Variants in RYR2 observed in about 807,000 individuals in gnomAD.
RYR2 encodes the protein cardiac muscle ryanodine receptor-calcium release channel.
RYR2 carries 227 observed loss-of-function variants against 601.1 expected under a neutral mutation model. That is an observed-to-expected ratio of 0.38 (90% CI 0.34 to 0.42). RYR2 has a LOEUF of 0.42. RYR2 is among the 10% of genes least tolerant of loss of function. The pLI, the probability that RYR2 is intolerant of heterozygous loss-of-function variation, is 1.00. For synonymous variants in RYR2, 2,223 were observed against 2,175.1 expected (o/e 1.02, Z -0.61); for missense variants, 4,646 against 6,156.5 (o/e 0.75, Z 8.21).
At chr1:237,341,437 CAA>C (rs1697771525) in intron 3 of RYR2, among the ~76,000 whole-genome samples, 3 of 152,086 alleles carry the variant, frequency 2.0e-5, no homozygotes, top group African/African-American at 7.2e-5. Context: ...AACACAAAAG[CAA>C]AAACAACAAT....
At chr1:237,085,079 C>T (rs1461311476) in intron 1 of RYR2, among the ~76,000 whole-genome samples, 11 of 152,040 alleles carry the variant, frequency 7.2e-5, no homozygotes, top group African/African-American at 2.7e-4. Flanking sequence ...GTGTGATTGC[C>T]GTTTATGTTC....
intron 1 of RYR2, among the ~76,000 whole-genome samples, chr1:237,127,929 C>T (rs1671704556): frequency 6.6e-6 from 1 of 152,080 alleles, no homozygotes; most frequent in African/African-American, 2.4e-5. Flanking sequence ...GGGCTCCTCA[C>T]ATCCCAGACG....
intron 25 of RYR2, 62 bp from the exon 26 acceptor site, chr1:237,548,369 A>G: frequency 1.9e-6 from 3 of 1,550,086 alleles, no homozygotes; most frequent in Non-Finnish European, 2.6e-6. Context: ...AGAAAATGAT[A>G]TTTACAGAGA....
At chr1:237,157,295 C>CAAAAA (rs33922740) in intron 1 of RYR2, among the ~76,000 whole-genome samples, 78 of 63,498 alleles carry the variant, frequency 1.2e-3, no homozygotes, top group Middle Eastern at 0.015. Context: ...GACTCCATCT[C>CAAAAA]AAAAAAAAAA....
intron 25 of RYR2, among the ~76,000 whole-genome samples, chr1:237,537,616 A>C (rs1668787062): frequency 6.6e-6 from 1 of 152,100 alleles, no homozygotes; most frequent in Non-Finnish European, 1.5e-5. Context: ...TGCCCGGCCT[A>C]AATATAGTTT....
At chr1:237,493,678 T>C (rs1663689512) in intron 19 of RYR2, among the ~76,000 whole-genome samples, 1 of 152,184 alleles carries the variant, frequency 6.6e-6, no homozygotes, top group Admixed American at 6.5e-5. Flanking sequence ...GGTCTCGAAC[T>C]CCTGACCTCG....
chr1:237,198,830 A>G (rs907206370), intron 1 of RYR2, among the ~76,000 whole-genome samples: 3 of 143,238 alleles, frequency 2.1e-5, no homozygotes, highest in Admixed American at 7.2e-5. Context: ...TTAGACATAT[A>G]TATTTTCTTA....
At chr1:237,823,396 C>T (rs936866853) in intron 101 of RYR2, among the ~76,000 whole-genome samples, 2 of 152,176 alleles carry the variant, frequency 1.3e-5, no homozygotes, top group African/African-American at 4.8e-5. Context: ...TGCACAACTA[C>T]ATGGAAACTG....
chr1:237,147,530 G>A (rs1674155660), intron 1 of RYR2, among the ~76,000 whole-genome samples: 1 of 152,090 alleles, frequency 6.6e-6, no homozygotes, highest in African/African-American at 2.4e-5. Flanking sequence ...TGTATCTTCA[G>A]TTTGAATTTA....
rs1405288551 is a variant in RYR2, at chr1:237,730,295, A to G, written c.10874A>G (p.Glu3625Gly). 2.7e-5 allele frequency: 43 copies of G among 1,609,302 alleles called. No individual in the cohort carries two copies. The highest frequency in any genetic ancestry group is 3.7e-5 in the Non-Finnish European group (43 of 1,175,950). Residue 3625 changes from glutamate (E) to glycine (G), a missense_variant, in exon 77 of 105, where the codon GAA becomes GGA. This residue lies in a region of RYR2 where 1,497 missense variants were observed against 1,842.6 expected (regional missense o/e 0.81). Coordinates refer to ENST00000366574, the MANE Select transcript of RYR2 (RefSeq NM_001035.3). ...RAVNLFLQGY[E>G]KSWIETEEHY... ...GTCAATCTCTTTCTTCAGGGATATG[A>G]AAAGTCTTGGATTGAAACAGAAGAA...
intron 104 of RYR2, 58 bp from the exon 105 acceptor site, chr1:237,832,494 A>C: frequency 8.9e-7 from 1 of 1,122,888 alleles, no homozygotes; most frequent in Non-Finnish European, 1.3e-6. Flanking sequence ...TTTCTACCTT[A>C]TGTTTTGTTA....
chr1:237,593,020 C>CAA lies in RYR2; in HGVS notation c.4276-440_4276-439dup, dbSNP rs34581689. Among the ~76,000 whole-genome samples the CAA allele has an allele frequency of 4.8e-3, 543 of 113,788 alleles. 3 individuals are homozygous for CAA. The highest frequency in any genetic ancestry group is 7.7e-3 in the African/African-American group (210 of 27,382). The allele number at this position is 113,788 out of a possible 152,430, so 74.6% of individuals were successfully genotyped here. On this transcript the variant is annotated intron_variant, in intron 32 of 104. Coordinates refer to ENST00000366574, the MANE Select transcript of RYR2 (RefSeq NM_001035.3). ...TGGGTGACAGAGTGAGAGTCTATCT[C>CAA]AAAAAAAAAAAAAAAAAGTGAACAT... is the stretch of plus-strand genomic sequence containing the variant.
chr1:237,783,558 A>T (rs374609064), intron 89 of RYR2, 117 bp from the exon 90 acceptor site: 14 of 639,216 alleles, frequency 2.2e-5, no homozygotes, highest in African/African-American at 1.1e-4. Context: ...ATAGAGTGAG[A>T]GATAAACAGG....
intron 55 of RYR2, among the ~76,000 whole-genome samples, 185 bp from the exon 56 acceptor site, chr1:237,660,625 A>C (rs369570563): frequency 2.5e-4 from 38 of 152,196 alleles, no homozygotes; most frequent in African/African-American, 8.9e-4. Context: ...TACTAACATT[A>C]GTAAAACTAG....
At chr1:237,228,553 C>T (rs1211378950) in intron 1 of RYR2, among the ~76,000 whole-genome samples, 3 of 152,242 alleles carry the variant, frequency 2.0e-5, no homozygotes, top group Non-Finnish European at 4.4e-5. Context: ...CCCTTAAGGT[C>T]GCAGTTTCCA....
At chr1:237,762,334 A>C (rs1693493757) in intron 84 of RYR2, among the ~76,000 whole-genome samples, 1 of 152,206 alleles carries the variant, frequency 6.6e-6, no homozygotes, top group Non-Finnish European at 1.5e-5. Flanking sequence ...GAGCCACTGC[A>C]GATCTCAGGG....
chr1:237,237,945 CCCTTTCCTTTCCTTTCCTTT>C (rs60312547), intron 1 of RYR2, among the ~76,000 whole-genome samples: 107 of 35,528 alleles, frequency 3.0e-3, no homozygotes, highest in African/African-American at 6.7e-3. Context: ...CTTTCCTTTC[CCCTTTCCTTTCCTTTCCTTT>C]CCTTTCCTTT....
intron 79 of RYR2, among the ~76,000 whole-genome samples, chr1:237,739,610 A>C (rs1458029888): frequency 6.6e-6 from 1 of 152,190 alleles, no homozygotes; most frequent in East Asian, 1.9e-4. Context: ...AAAATATTTA[A>C]GATACACATC....
At chr1:237,334,440 A>AATATAT (rs58982184) in intron 3 of RYR2, among the ~76,000 whole-genome samples, 3,975 of 145,982 alleles carry the variant, frequency 0.027, 87 homozygotes, top group African/African-American at 0.057. Flanking sequence ...GTTTAATTAA[A>AATATAT]ATATATATAT....
Sources: gnomAD v4.1 joint callset for allele counts (sites outside exome capture counted in the v4.1 genomes callset) on GRCh38, gnomAD v4.1.1 for gene constraint, gnomAD v4.1.1 regional missense constraint, MANE v1.5 for transcripts, NCBI Gene and HGNC (gene_info 2026-07-23, HGNC 2026-07-21) for gene names.